The following BICRAL variants were observed in gnomAD, a reference collection of about 807,000 sequenced individuals.
The protein encoded by BICRAL is BRD4-interacting chromatin-remodeling complex-associated protein-like.
In BICRAL, 8 loss-of-function variants were observed where a neutral mutation model predicts 91.8. The ratio of observed to expected loss-of-function variants is 0.09; its 90% CI spans 0.05 to 0.16. The LOEUF is 0.16. BICRAL is among the 10% of genes least tolerant of loss of function. The pLI is 1.00. For missense variants in BICRAL, 1,038 were observed against 1,310.9 expected (o/e 0.79, Z 3.21); for synonymous variants, 445 against 491.1 (o/e 0.91, Z 1.24).
chr6:42,754,136 T>C (rs1410868884), intron 1 of BICRAL, among the ~76,000 whole-genome samples: 12 of 152,032 alleles, frequency 7.9e-5, no homozygotes, highest in Admixed American at 7.9e-4. Flanking sequence ...ACAGGCCGTG[T>C]TTGAAGTTTT....
At chr6:42,813,090 C>A (rs1323128466) in intron 2 of BICRAL, among the ~76,000 whole-genome samples, 1 of 152,138 alleles carries the variant, frequency 6.6e-6, no homozygotes, top group African/African-American at 2.4e-5. Context: ...AATACAGCAT[C>A]ATTGAGCTGT....
chr6:42,848,155 A>G (rs1321844402), intron 6 of BICRAL, among the ~76,000 whole-genome samples: 9 of 151,132 alleles, frequency 6.0e-5, no homozygotes, highest in Admixed American at 4.0e-4. Context: ...CAGAAAACAG[A>G]AAAAGAAAAT....
At chr6:42,857,384 A>G (rs1457944729) in intron 10 of BICRAL, 148 bp downstream of exon 10, 1 of 635,578 alleles carries the variant, frequency 1.6e-6, no homozygotes, top group Non-Finnish European at 2.7e-6. Context: ...TGTTTACTCA[A>G]TTTCCCAGTC....
chr6:42,860,580 A>AC (rs1376346460), intron 11 of BICRAL, among the ~76,000 whole-genome samples: 1 of 152,226 alleles, frequency 6.6e-6, no homozygotes, highest in Non-Finnish European at 1.5e-5. Context: ...GGATAAGGAA[A>AC]CCAGGGCTTT....
At chr6:42,787,449 A>G (rs894993700) in intron 1 of BICRAL, among the ~76,000 whole-genome samples, 40 of 152,136 alleles carry the variant, frequency 2.6e-4, no homozygotes, top group African/African-American at 8.7e-4. Context: ...CATGGAACTG[A>G]TTGAGATTGT....
chr6:42,825,497 G>A (rs565663273), intron 5 of BICRAL, among the ~76,000 whole-genome samples: 107 of 151,728 alleles, frequency 7.1e-4, no homozygotes, highest in Non-Finnish European at 9.4e-4. Flanking sequence ...CCCGGGAGGT[G>A]GAGCTTGCAG....
At chr6:42,823,098 C>A (rs1467867951) in intron 5 of BICRAL, 95 bp downstream of exon 5, 2 of 724,970 alleles carry the variant, frequency 2.8e-6, no homozygotes, top group Non-Finnish European at 4.9e-6. Context: ...TCATGAGAAT[C>A]CTTACCTTGT....
intron 12 of BICRAL, among the ~76,000 whole-genome samples, chr6:42,862,871 T>C (rs1263955547): frequency 6.6e-6 from 1 of 152,166 alleles, no homozygotes; most frequent in East Asian, 1.9e-4. Flanking sequence ...ATTTTAGAAT[T>C]TGGTGAACAA....
chr6:42,767,912 C>T (rs112340260), intron 1 of BICRAL, among the ~76,000 whole-genome samples: 16 of 152,200 alleles, frequency 1.1e-4, no homozygotes, highest in African/African-American at 2.9e-4. Context: ...GGAATAACAC[C>T]GCATGGCAAG....
At chr6:42,821,203 G>A (rs1005602004) in intron 2 of BICRAL, 2 of 152,200 alleles carry the variant, frequency 1.3e-5, no homozygotes, top group Non-Finnish European at 2.9e-5. Flanking sequence ...GCCAGGTGTC[G>A]GATCACTAGT....
At chr6:42,852,815 A>C (rs1210169783) in intron 7 of BICRAL, among the ~76,000 whole-genome samples, 1 of 147,444 alleles carries the variant, frequency 6.8e-6, no homozygotes, top group Non-Finnish European at 1.5e-5. Flanking sequence ...CAATAAATTG[A>C]GGCCGGGCAC....
At chr6:42,803,785 T>G (rs113454088) in intron 1 of BICRAL, among the ~76,000 whole-genome samples, 3 of 152,192 alleles carry the variant, frequency 2.0e-5, no homozygotes, top group African/African-American at 7.2e-5. Context: ...CTAGACAATT[T>G]CATTATCTTG....
At chr6:42,771,163 C>T (rs1489014663) in intron 1 of BICRAL, among the ~76,000 whole-genome samples, 1 of 152,216 alleles carries the variant, frequency 6.6e-6, no homozygotes, top group African/African-American at 2.4e-5. Context: ...ATTAGCATCA[C>T]ACAAATGACG....
chr6:42,781,924 G>C (rs1483649302), upstream of BICRAL: 1 of 838 alleles, frequency 1.2e-3, no homozygotes, highest in South Asian at 3.0e-3. Flanking sequence ...GCGGGGAGCG[G>C]CGCCCCGGCC....
At chr6:42,839,584 C>T (rs920488357) in intron 6 of BICRAL, among the ~76,000 whole-genome samples, 1 of 152,110 alleles carries the variant, frequency 6.6e-6, no homozygotes, top group Non-Finnish European at 1.5e-5. Context: ...TCATCCACAT[C>T]CCCACCCCCT....
intron 5 of BICRAL, among the ~76,000 whole-genome samples, chr6:42,827,819 C>T (rs74506833): frequency 6.6e-6 from 1 of 152,256 alleles, no homozygotes; most frequent in East Asian, 1.9e-4. Flanking sequence ...CAGGAGTTCA[C>T]AGCAGCAGTG....
intron 6 of BICRAL, among the ~76,000 whole-genome samples, chr6:42,835,600 T>A (rs1230353050): frequency 2.6e-5 from 4 of 152,164 alleles, no homozygotes; most frequent in African/African-American, 9.7e-5. Context: ...TACAGTTCTG[T>A]GTTTAGCCTA....
chr6:42,832,220 C>T (rs886391916), intron 6 of BICRAL, among the ~76,000 whole-genome samples: 5 of 151,192 alleles, frequency 3.3e-5, no homozygotes, highest in African/African-American at 7.3e-5. Context: ...TGGTGACACA[C>T]GCCTGTAGTC....
At chr6:42,833,425 C>T (rs1764554193) in intron 6 of BICRAL, among the ~76,000 whole-genome samples, 1 of 151,968 alleles carries the variant, frequency 6.6e-6, no homozygotes. Context: ...CATGCCCCGG[C>T]ATGCAGCTTT....
Sources: gnomAD v4.1 joint callset for allele counts (sites outside exome capture counted in the v4.1 genomes callset) on GRCh38, gnomAD v4.1.1 for gene constraint, MANE v1.5 for transcripts, NCBI Gene and HGNC (gene_info 2026-07-23, HGNC 2026-07-21) for gene names.